The following NSUN2 variants were observed in gnomAD, a reference collection of about 807,000 sequenced individuals.
NSUN2 encodes NOP2/Sun RNA methyltransferase 2, also known as RNA cytosine C(5)-methyltransferase NSUN2.
Under a neutral mutation model 92.7 loss-of-function variants are expected in NSUN2, and 63 were observed. That is an observed-to-expected ratio of 0.68 (90% CI 0.56 to 0.84). The LOEUF (loss-of-function observed/expected upper bound fraction) is 0.84. Ranked by LOEUF, NSUN2 falls within the 40% of genes least tolerant of loss-of-function variation. NSUN2 has a pLI of 0.00. For synonymous variants in NSUN2, 356 were observed against 348.3 expected, an observed-to-expected ratio of 1.02 and a Z score of -0.25; for missense variants, 989 against 964.9, an observed-to-expected ratio of 1.02 and a Z score of -0.33.
chr5:6,603,057 C>T (rs1215701855), intron 17 of NSUN2, among the ~76,000 whole-genome samples: 4 of 152,100 alleles, frequency 2.6e-5, no homozygotes, highest in Non-Finnish European at 4.4e-5. Context: ...AAGTTTTAAA[C>T]GCAAGTAAGA....
intron 4 of NSUN2, 84 bp downstream of exon 4, chr5:6,625,480 G>T: frequency 1.0e-6 from 1 of 978,142 alleles, no homozygotes; most frequent in Non-Finnish European, 1.6e-6. Context: ...TGCTTCTAGT[G>T]ACAAGAACCT....
rs371654948 is a variant in NSUN2, at chr5:6,599,908, C to T, written c.*18G>A. 3.7e-6 allele frequency: 6 copies of T among 1,606,444 alleles called. No individual in the cohort carries two copies. In the African/African-American group the frequency reaches 4.0e-5, roughly 11 times the overall value. ...TTTTGCGTGTGAGGGGTGTGGGCCC[C>T]CGCTGCCTTGGGCCTGCTCACCGGG... On this transcript the variant is annotated 3_prime_UTR_variant, in exon 19 of 19. Coordinates refer to ENST00000264670, the MANE Select transcript of NSUN2 (RefSeq NM_017755.6).
At chr5:6,603,884 G>C in intron 17 of NSUN2, 1 of 410,576 alleles carries the variant, frequency 2.4e-6, no homozygotes, top group Non-Finnish European at 4.4e-6. Flanking sequence ...ACGCCACACA[G>C]ACACACCACA....
intron 2 of NSUN2, 77 bp from the exon 3 acceptor site, chr5:6,632,054 G>A (rs1737929202): frequency 4.1e-6 from 5 of 1,212,104 alleles, no homozygotes; most frequent in East Asian, 2.3e-5. Flanking sequence ...ATTTAAGACT[G>A]CAAGTGTTTT....
intron 13 of NSUN2, 115 bp downstream of exon 13, chr5:6,607,085 C>A: frequency 1.8e-6 from 2 of 1,108,912 alleles, no homozygotes; most frequent in Non-Finnish European, 1.3e-6. Context: ...GTGCCTGATA[C>A]CACACATGTA....
rs1736467841 is a variant in NSUN2 at position 6,599,837 on chromosome 5, G to A, written c.*89C>T. ...GAAATATATGCTTTACAGGCCACAG[G>A]CTGCTCTGGATTTGGTTTCAGACAC... On this transcript the variant is annotated 3_prime_UTR_variant, in exon 19 of 19. Transcript: ENST00000264670. 2 of 1,157,940 alleles carry A rather than the reference G, an allele frequency of 1.7e-6. No homozygotes were observed. Among genetic ancestry groups the A allele is most frequent in the Non-Finnish European group, 2.5e-6 (2 of 800,654 alleles). The allele number at this position is 1,157,940 out of a possible 1,614,324, so 71.7% of individuals were successfully genotyped here.
At chr5:6,631,771 C>T (rs1195223661) in intron 3 of NSUN2, 102 bp downstream of exon 3, 4 of 849,316 alleles carry the variant, frequency 4.7e-6, no homozygotes, top group East Asian at 2.4e-5. Flanking sequence ...GCAAAGTATA[C>T]CCAAGCTCTT....
At chr5:6,626,497 C>T (rs1043380692) in intron 3 of NSUN2, among the ~76,000 whole-genome samples, 1 of 152,040 alleles carries the variant, frequency 6.6e-6, no homozygotes, top group Non-Finnish European at 1.5e-5. Flanking sequence ...AGTCAGCCAC[C>T]TGAGTAGCTG....
At chr5:6,622,594 T>C (rs1394664560) in intron 5 of NSUN2, among the ~76,000 whole-genome samples, 1 of 152,168 alleles carries the variant, frequency 6.6e-6, no homozygotes, top group African/African-American at 2.4e-5. Context: ...ACACCTGTAA[T>C]CCCAGCACTT....
intron 9 of NSUN2, among the ~76,000 whole-genome samples, chr5:6,614,471 A>T (rs931343889): frequency 2.6e-5 from 4 of 152,046 alleles, no homozygotes; most frequent in Admixed American, 1.3e-4. Context: ...ACTTTCGAAC[A>T]TGGTGCACTG....
At chr5:6,600,270 T>C in intron 18 of NSUN2, 38 bp from the exon 19 acceptor site, 1 of 1,557,600 alleles carries the variant, frequency 6.4e-7, no homozygotes, top group Non-Finnish European at 8.8e-7. Context: ...ACATTAAACA[T>C]TCCCATAACT....
intron 9 of NSUN2, among the ~76,000 whole-genome samples, chr5:6,616,521 T>A (rs1006385040): frequency 6.6e-6 from 1 of 152,080 alleles, no homozygotes; most frequent in African/African-American, 2.4e-5. Context: ...AGCTACTGTT[T>A]AAAGGAGTTC....
In NSUN2 at chr5:6,622,034, T is replaced by G. The variant is rs1737468532; in HGVS notation, c.604A>C (p.Met202Leu). ...TGCATACCTGGAAAGGGGACATTCA[T>G]GTCGGCATGTAGCATTTCAATTAAC... is the stretch of plus-strand genomic sequence containing the variant. ...TQLIEMLHAD[M>L]NVPFPEGFVI... The change falls in exon 6 of 19, where the codon ATG (methionine) becomes CTG (leucine). Residue 202 changes from methionine to leucine, a missense_variant. Transcript: ENST00000264670. 1.1e-5 allele frequency: 18 copies of G among 1,613,954 alleles called. No homozygotes were observed. The highest frequency in any genetic ancestry group is 1.4e-5 in the Non-Finnish European group (17 of 1,179,886).
chr5:6,600,678 C>T (rs1032343795), intron 18 of NSUN2, among the ~76,000 whole-genome samples: 1 of 151,932 alleles, frequency 6.6e-6, no homozygotes, highest in African/African-American at 2.4e-5. Context: ...CTTAGCAGGG[C>T]GTCAGAGCAG....
chr5:6,612,173 A>G (rs1170861271), intron 9 of NSUN2, among the ~76,000 whole-genome samples: 1 of 152,230 alleles, frequency 6.6e-6, no homozygotes. Context: ...TGTTCCAATG[A>G]CAGGGCATTG....
Position 6,602,581 on chromosome 5 carries a change from T to C in NSUN2, c.1958-81A>G, listed in dbSNP as rs28580030. ...CTGAGCACATTTCTGCACCTAGTGA[T>C]GTGTTAAGTATTCTGAAGAAAGAAA... is the stretch of plus-strand genomic sequence containing the variant. On this transcript the variant is annotated intron_variant, in intron 17 of 18. Transcript: ENST00000264670. The C allele has an allele frequency of 4.0e-3, 4,804 of 1,191,272 alleles. 169 individuals are homozygous for C. In the African/African-American group the frequency reaches 0.061, roughly 15 times the overall value. 73.8% of individuals were successfully genotyped at this position (1,191,272 alleles called of 1,614,324 possible).
At chr5:6,607,538 T>C (rs1560973779) in intron 12 of NSUN2, among the ~76,000 whole-genome samples, 154 bp from the exon 13 acceptor site, 1 of 152,246 alleles carries the variant, frequency 6.6e-6, no homozygotes, top group African/African-American at 2.4e-5. Context: ...TAAAGTGTCA[T>C]TTTAAATCTA....
rs750453185 is a variant in NSUN2 at position 6,600,184 on chromosome 5, T to C, written c.2046A>G (p.Gly682=). ...GCACAAAAGTTCGAATGGAGGCCTT[T>C]CCCCGCCATCCGCATAAGACGATGG... ...QCPIVLCGWR[G]KASIRTFVPK... Residue 682 remains glycine (G), a synonymous_variant, in exon 19 of 19, where the codon GGA becomes GGG. Transcript: ENST00000264670. The C allele has an allele frequency of 5.0e-6, 8 of 1,614,208 alleles. No homozygotes were observed. Among genetic ancestry groups the C allele is most frequent in the Non-Finnish European group, 6.8e-6 (8 of 1,180,030 alleles).
chr5:6,605,984 T>C (rs1186252478), intron 14 of NSUN2, among the ~76,000 whole-genome samples: 1 of 152,158 alleles, frequency 6.6e-6, no homozygotes, highest in African/African-American at 2.4e-5. Context: ...CTGAGACTTA[T>C]TTTTTAATAG....
Sources: allele counts gnomAD v4.1 joint callset (sites outside exome capture counted in the v4.1 genomes callset), GRCh38; gene constraint gnomAD v4.1.1; transcripts MANE v1.5; gene names NCBI Gene and HGNC (gene_info 2026-07-23, HGNC 2026-07-21).